The following FERMT3 variants were observed in gnomAD, a reference collection of about 807,000 sequenced individuals.
The protein encoded by FERMT3 is fermitin family homolog 3.
FERMT3 carries 33 observed loss-of-function variants against 80.8 expected under a neutral mutation model. The ratio of observed to expected loss-of-function variants is 0.41; its 90% CI spans 0.31 to 0.55. The LOEUF (loss-of-function observed/expected upper bound fraction) is 0.55. Ranked by LOEUF, FERMT3 falls within the 20% of genes least tolerant of loss-of-function variation. FERMT3 has a pLI of 0.31. For missense variants in FERMT3, 754 were observed against 908.7 expected (o/e 0.83, Z 2.19); for synonymous variants, 375 against 372.2 (o/e 1.01, Z -0.09).
chr11:64,220,976 G>T, intron 12 of FERMT3, 40 bp from the exon 13 acceptor site: 1 of 1,603,408 alleles, frequency 6.2e-7, no homozygotes. Flanking sequence ...TGGAGGAGGG[G>T]AATAGTGCCT....
At chr11:64,222,242 A>AATAT (rs1946707425) in intron 13 of FERMT3, among the ~76,000 whole-genome samples, 1 of 24,598 alleles carries the variant, frequency 4.1e-5, no homozygotes, top group Middle Eastern at 0.014. Flanking sequence ...CTCAGTCTCA[A>AATAT]ATAAATAAAT....
In FERMT3 at chr11:64,222,814, C is replaced by T. The variant is rs542103518; in HGVS notation, c.1671-234C>T. 4.2e-4 allele frequency among the ~76,000 whole-genome samples: 64 copies of T among 152,334 alleles called. 2 individuals are homozygous for T. The highest frequency in any genetic ancestry group is 3.7e-3 in the Admixed American group (56 of 15,302). On this transcript the variant is annotated intron_variant, in intron 13 of 14. Coordinates refer to ENST00000345728, the MANE Select transcript of FERMT3 (RefSeq NM_031471.6). The stretch of plus-strand genomic sequence containing the variant: ...ACCAAAAAAAGTTACCATTTAAAGG[C>T]TTGGCCTGTTTGCCCGATGCTGCTA...
At position 64,219,166 on chromosome 11, in the gene FERMT3, A is replaced by G. The variant is rs1317567191; in HGVS notation, c.787-85A>G. The stretch of plus-strand genomic sequence containing the variant: ...GCAAGGAGGGCAGGGCAGAGGGCCA[A>G]GGCTGGCAGGGGCTCAGTGCAGGGC... On this transcript the variant is annotated intron_variant, in intron 6 of 14. Transcript: ENST00000345728. The surrounding 1 kb of genome is among the most constrained non-coding windows in gnomAD (Gnocchi z 4.0). 2 of 1,340,386 alleles carry G rather than the reference A, an allele frequency of 1.5e-6. No homozygotes were observed. Among genetic ancestry groups the G allele is most frequent in the East Asian group, 2.5e-5 (1 of 39,888 alleles). 83.0% of individuals were successfully genotyped at this position (1,340,386 alleles called of 1,614,324 possible).
Position 64,220,906 on chromosome 11 carries a change from C to A in FERMT3, c.1546-110C>A, listed in dbSNP as rs1335542974. On this transcript the variant is annotated intron_variant, in intron 12 of 14. Coordinates refer to ENST00000345728, the MANE Select transcript of FERMT3 (RefSeq NM_031471.6). ...GCACCTTGGCGGCCCCACGTGGGCA[C>A]TGCCCCTTCCCAGGCTCACATGCTG... 7 of 1,555,304 alleles carry A rather than the reference C, an allele frequency of 4.5e-6. No individual in the cohort carries two copies. The African/African-American group carries it at 6.7e-5, about 15-fold the overall frequency.
intron 10 of FERMT3, 25 bp downstream of exon 10, chr11:64,220,040 G>A (rs1173700563): frequency 6.2e-7 from 1 of 1,612,476 alleles, no homozygotes; most frequent in Non-Finnish European, 8.5e-7. Flanking sequence ...CCAGGGGCTG[G>A]GTGGGGGGAT....
Position 64,211,765 on chromosome 11 carries a change from G to A in FERMT3, c.786+18G>A, listed in dbSNP as rs921890411. On this transcript the variant is annotated intron_variant, in intron 6 of 14. Transcript: ENST00000345728. This position sits in a 1 kb window ranked among gnomAD's most constrained non-coding sequence, Gnocchi z 4.7. ...ATCCCAAGGTGGGTCGGGGCAGGGAGAAAGCGGGCCTCAGGTCCATGAGAT... is the reference window on the plus strand; with the variant it reads ...ATCCCAAGGTGGGTCGGGGCAGGGAAAAAGCGGGCCTCAGGTCCATGAGAT... 30 of 1,612,614 alleles carry A rather than the reference G, an allele frequency of 1.9e-5. No homozygotes were observed. Among genetic ancestry groups the A allele is most frequent in the Non-Finnish European group, 2.5e-5 (29 of 1,178,778 alleles).
chr11:64,220,763 G>A (rs1946664031), intron 12 of FERMT3, 94 bp downstream of exon 12: 7 of 1,321,814 alleles, frequency 5.3e-6, no homozygotes, highest in South Asian at 2.5e-5. Flanking sequence ...GGAAAGCTAC[G>A]TACTCACTGG....
Position 64,219,611 on chromosome 11 carries a change from A to G in FERMT3, c.982A>G (p.Ser328Gly). 1 of 1,613,034 alleles carries G rather than the reference A, an allele frequency of 6.2e-7. No homozygotes were observed. The highest frequency in any genetic ancestry group is 8.5e-7 in the Non-Finnish European group (1 of 1,179,958). Residue 328 changes from serine (S) to glycine (G), a missense_variant, in exon 8 of 15, where the codon AGC becomes GGC. Ser to Gly is a moderately conservative substitution (Grantham distance 56). Coordinates refer to ENST00000345728, the MANE Select transcript of FERMT3 (RefSeq NM_031471.6). The surrounding 1 kb of genome is among the most constrained non-coding windows in gnomAD (Gnocchi z 4.0). ...GCTGGACGACCTGGATGTGGCCCTG[A>G]GCAACCTGGAGGTGAAGCTGGAGGG... ...PGLDDLDVAL[S>G]NLEVKLEGSA...
intron 2 of FERMT3, among the ~76,000 whole-genome samples, chr11:64,209,139 AGGT>A (rs1224736577): frequency 1.3e-5 from 2 of 152,052 alleles, no homozygotes; most frequent in Admixed American, 6.6e-5. Flanking sequence ...CAGCCCTGAG[AGGT>A]GGTGTAGGGA....
In FERMT3 at chr11:64,210,990, A is replaced by C. The variant is rs1453695223; in HGVS notation, c.395-62A>C. 1.9e-6 allele frequency: 3 copies of C among 1,608,742 alleles called. No homozygotes were observed. Among genetic ancestry groups the C allele is most frequent in the Non-Finnish European group, 2.5e-6 (3 of 1,177,830 alleles). ...GGGCTGTGACCCGCCCCAAGCACCC[A>C]TGGGTGAGGTGGGGAGGCTGCAGCA... is the stretch of plus-strand genomic sequence containing the variant. On this transcript the variant is annotated intron_variant, in intron 3 of 14. Coordinates refer to ENST00000345728, the MANE Select transcript of FERMT3 (RefSeq NM_031471.6). This position sits in a 1 kb window ranked among gnomAD's most constrained non-coding sequence, Gnocchi z 4.3.
chr11:64,216,284 C>A (rs1013740932), intron 6 of FERMT3, among the ~76,000 whole-genome samples: 17 of 150,590 alleles, frequency 1.1e-4, no homozygotes, highest in Non-Finnish European at 2.2e-4. Context: ...GCAACCTCTG[C>A]CCCCCTGGTT....
Position 64,210,925 on chromosome 11 carries a change from TGAC to T in FERMT3, c.394+83_394+85del. On this transcript the variant is annotated intron_variant, in intron 3 of 14. Transcript: ENST00000345728. This position sits in a 1 kb window ranked among gnomAD's most constrained non-coding sequence, Gnocchi z 4.3. ...CCCCCGTTTCCAGGCCCAGCTCTGTTGACGCTGTCCTTGCTGTCTGGGTTGCCA... is the reference window on the plus strand; with the variant it reads ...CCCCCGTTTCCAGGCCCAGCTCTGTTGCTGTCCTTGCTGTCTGGGTTGCCA... 1 of 1,608,902 alleles carries T rather than the reference TGAC, an allele frequency of 6.2e-7. No individual in the cohort carries two copies.
chr11:64,206,690 C>G (rs199531148), upstream of FERMT3: 1 of 152,790 alleles, frequency 6.5e-6, no homozygotes, highest in Non-Finnish European at 1.5e-5. Flanking sequence ...CCGCCCTGCT[C>G]GTGATAAGGC....
In FERMT3 at chr11:64,220,616, A is replaced by G; in HGVS notation, c.1492A>G (p.Asn498Asp). Residue 498 changes from asparagine (N) to aspartate (D), a missense_variant, in exon 12 of 15, where the codon AAC becomes GAC. By Grantham distance (23) the Asn-to-Asp change is conservative (BLOSUM62 1). Transcript: ENST00000345728. ...CCCTGATGCCTCTGCCGAGGGCCTCAACCCCTACGGCCTCGTTGCCCCCCG... is the reference window on the plus strand; with the variant it reads ...CCCTGATGCCTCTGCCGAGGGCCTCGACCCCTACGGCCTCGTTGCCCCCCG... Reference protein sequence around the residue: ...HGPDASAEGLNPYGLVAPRFQ... With the variant: ...HGPDASAEGLDPYGLVAPRFQ... The G allele has an allele frequency of 6.2e-7, 1 of 1,611,648 alleles. No homozygotes were observed. Among genetic ancestry groups the G allele is most frequent in the East Asian group, 2.2e-5 (1 of 44,844 alleles).
Position 64,211,463 on chromosome 11 carries a change from C to T in FERMT3, c.683+20C>T, listed in dbSNP as rs1565290775. On this transcript the variant is annotated intron_variant, in intron 5 of 14. Coordinates refer to ENST00000345728, the MANE Select transcript of FERMT3 (RefSeq NM_031471.6). This position sits in a 1 kb window ranked among gnomAD's most constrained non-coding sequence, Gnocchi z 4.7. ...CAGCAGGTGCACCCAGGAGCCACGC[C>T]CCCTGTGTCAGGGCTCCCCCACCCA... 6.4e-7 allele frequency: 1 copy of T among 1,569,090 alleles called. No individual in the cohort carries two copies. Among genetic ancestry groups the T allele is most frequent in the Non-Finnish European group, 8.6e-7 (1 of 1,162,082 alleles).
rs1178708752 is a variant in FERMT3 at position 64,223,803 on chromosome 11, G to A, written c.*311G>A. 2 of 1,098,064 alleles carry A rather than the reference G, an allele frequency of 1.8e-6. No homozygotes were observed. Among genetic ancestry groups the A allele is most frequent in the East Asian group, 5.1e-5 (2 of 38,844 alleles). 68.0% of individuals were successfully genotyped at this position (1,098,064 alleles called of 1,614,324 possible). On this transcript the variant is annotated 3_prime_UTR_variant, in exon 15 of 15. Transcript: ENST00000345728. ...ACAAGGAAGACCAGATGTAGCTACA[G>A]GATGATGAAACATGGTTTCAAACGA...
At chr11:64,207,549 G>A in intron 2 of FERMT3, 25 bp downstream of exon 2, 4 of 1,585,096 alleles carry the variant, frequency 2.5e-6, no homozygotes, top group Non-Finnish European at 2.6e-6. Context: ...CCCGCTTGCT[G>A]AACTCGGCAC....
At position 64,220,415 on chromosome 11, in the gene FERMT3, C is replaced by G. The variant is rs1203634998; in HGVS notation, c.1312-21C>G. ...AGCATCAAGCTTGGTTAGCACTGTCCCCCTCACCCCTCTCGCCCAGGAGCA... is the reference window on the plus strand; with the variant it reads ...AGCATCAAGCTTGGTTAGCACTGTCGCCCTCACCCCTCTCGCCCAGGAGCA... On this transcript the variant is annotated intron_variant, in intron 11 of 14. Transcript: ENST00000345728. The G allele has an allele frequency of 2.5e-6, 4 of 1,609,800 alleles. No individual in the cohort carries two copies. In the African/African-American group the frequency reaches 5.3e-5, roughly 21 times the overall value.
intron 6 of FERMT3, among the ~76,000 whole-genome samples, chr11:64,212,968 A>C (rs1388091542): frequency 6.6e-6 from 1 of 151,948 alleles, no homozygotes; most frequent in Non-Finnish European, 1.5e-5. Context: ...ATCCCGGCTA[A>C]CTGCAGCCTG....
Sources: allele counts gnomAD v4.1 joint callset (sites outside exome capture counted in the v4.1 genomes callset), GRCh38; gene constraint gnomAD v4.1.1; non-coding constraint Gnocchi (gnomAD v3.1); transcripts MANE v1.5; gene names NCBI Gene and HGNC (gene_info 2026-07-23, HGNC 2026-07-21).